The following GALNT18 variants were observed in gnomAD, a reference collection of about 807,000 sequenced individuals.
GALNT18 encodes polypeptide N-acetylgalactosaminyltransferase 18.
A neutral mutation model predicts 69.5 loss-of-function variants in GALNT18; 44 were observed. The ratio of observed to expected loss-of-function variants is 0.63; its 90% CI spans 0.50 to 0.81. The LOEUF (loss-of-function observed/expected upper bound fraction) is 0.81. GALNT18 is among the 40% of genes least tolerant of loss of function. GALNT18 has a pLI of 0.00. For missense variants in GALNT18, 715 were observed against 810.0 expected, an observed-to-expected ratio of 0.88 and a Z score of 1.42; for synonymous variants, 364 against 318.2, an observed-to-expected ratio of 1.14 and a Z score of -1.53.
At position 11,421,973 on chromosome 11, in the gene GALNT18, AG is replaced by A; in HGVS notation, c.595+10647del. Among the ~76,000 whole-genome samples, 1 of 152,270 alleles carries A rather than the reference AG, an allele frequency of 6.6e-6. No homozygotes were observed. Among genetic ancestry groups the A allele is most frequent in the Non-Finnish European group, 1.5e-5 (1 of 68,000 alleles). On this transcript the variant is annotated intron_variant, in intron 3 of 10. Coordinates refer to ENST00000227756, the MANE Select transcript of GALNT18 (RefSeq NM_198516.3). The surrounding 1 kb of genome is among the most constrained non-coding windows in gnomAD (Gnocchi z 5.6). The stretch of plus-strand genomic sequence containing the variant: ...CATAGAATCATGCATGGCAGCTGAG[AG>A]GTAGGTTCAGAAATGGACACAGTTG...
chr11:11,427,273 G>A (rs914666667), intron 3 of GALNT18, among the ~76,000 whole-genome samples: 6 of 152,214 alleles, frequency 3.9e-5, no homozygotes, highest in South Asian at 4.1e-4. Context: ...GCTTCTGAGC[G>A]AGAGCTAAAG....
intron 5 of GALNT18, among the ~76,000 whole-genome samples, chr11:11,375,198 A>C (rs1182862249): frequency 6.6e-6 from 1 of 152,254 alleles, no homozygotes; most frequent in Non-Finnish European, 1.5e-5. Context: ...CGGATGGGCA[A>C]GATACATTTG....
rs772932931 is a variant in GALNT18 at position 11,352,057 on chromosome 11, T to C, written c.1093-11053A>G. ...GGTGAAGGAGTTGGCACTGAAGAAA[T>C]CCCTGACATCACATTGGCGCTGCTG... is the stretch of plus-strand genomic sequence containing the variant. On this transcript the variant is annotated intron_variant, in intron 6 of 10. Transcript: ENST00000227756. 5 of 1,613,710 alleles carry C rather than the reference T, an allele frequency of 3.1e-6. No homozygotes were observed. In the South Asian group the frequency reaches 5.5e-5, roughly 18 times the overall value.
At chr11:11,291,788 G>C (rs780885959) in intron 10 of GALNT18, among the ~76,000 whole-genome samples, 1 of 152,124 alleles carries the variant, frequency 6.6e-6, no homozygotes, top group African/African-American at 2.4e-5. Flanking sequence ...CTAAGTCCAT[G>C]ACCTTGTTTT....
At position 11,588,299 on chromosome 11, in the gene GALNT18, A is replaced by C. The variant is rs566168600; in HGVS notation, c.235+33060T>G. Among the ~76,000 whole-genome samples, 4 of 152,124 alleles carry C rather than the reference A, an allele frequency of 2.6e-5. No individual in the cohort carries two copies. In the East Asian group the frequency reaches 7.8e-4, roughly 29 times the overall value. On this transcript the variant is annotated intron_variant, in intron 1 of 10. Coordinates refer to ENST00000227756, the MANE Select transcript of GALNT18 (RefSeq NM_198516.3). ...GTGAGCTTTTTGTAGGCAGAACTAC[A>C]TCTCCCCCTTTGCATGCCTCCAGTC...
chr11:11,293,730 C>T (rs568474522), intron 9 of GALNT18, among the ~76,000 whole-genome samples: 165 of 151,938 alleles, frequency 1.1e-3, no homozygotes, highest in South Asian at 2.3e-3. Context: ...TTAGTAGAAA[C>T]GGGGTTTCAC....
At chr11:11,360,825 C>T (rs1469140831) in intron 6 of GALNT18, among the ~76,000 whole-genome samples, 1 of 151,806 alleles carries the variant, frequency 6.6e-6, no homozygotes, top group Non-Finnish European at 1.5e-5. Context: ...TTTACCATTA[C>T]TCATTGATTG....
chr11:11,356,800 T>C lies in GALNT18; in HGVS notation c.1092+15715A>G, dbSNP rs746207696. On this transcript the variant is annotated intron_variant, in intron 6 of 10. Coordinates refer to ENST00000227756, the MANE Select transcript of GALNT18 (RefSeq NM_198516.3). This position sits in a 1 kb window ranked among gnomAD's most constrained non-coding sequence, Gnocchi z 4.4. ...AAATTGTTCTTGGGCACTCTCCTTC[T>C]GCTCCCCACCATTTCTAGCTAATCA... 1.1e-4 allele frequency among the ~76,000 whole-genome samples: 17 copies of C among 152,364 alleles called. No homozygotes were observed. Among genetic ancestry groups the C allele is most frequent in the Admixed American group, 6.5e-5 (1 of 15,306 alleles).
At chr11:11,533,165 C>A (rs1018462389) in intron 1 of GALNT18, among the ~76,000 whole-genome samples, 1 of 152,158 alleles carries the variant, frequency 6.6e-6, no homozygotes, top group African/African-American at 2.4e-5. Context: ...AGATACCTGC[C>A]CATTGTGCCA....
At chr11:11,352,297 T>C (rs1308215595) in intron 6 of GALNT18, 6 of 1,614,170 alleles carry the variant, frequency 3.7e-6, no homozygotes, top group Non-Finnish European at 5.1e-6. Context: ...CGAGAGTGTC[T>C]GCCCAAGATA....
At chr11:11,367,968 C>T (rs747966326) in intron 6 of GALNT18, among the ~76,000 whole-genome samples, 7 of 152,138 alleles carry the variant, frequency 4.6e-5, no homozygotes, top group Admixed American at 1.3e-4. Flanking sequence ...CTAGGATCTG[C>T]CTGAATGTTT....
intron 6 of GALNT18, chr11:11,352,282 G>A (rs527645267): frequency 1.7e-5 from 28 of 1,614,074 alleles, no homozygotes; most frequent in East Asian, 6.7e-5. Context: ...CGTTCCCATC[G>A]CTTTCGAGAG....
Position 11,521,912 on chromosome 11 carries a change from C to T in GALNT18, c.236-72976G>A, listed in dbSNP as rs375094125. On this transcript the variant is annotated intron_variant, in intron 1 of 10. Coordinates refer to ENST00000227756, the MANE Select transcript of GALNT18 (RefSeq NM_198516.3). ...AATGTTGGCCCTACAGGGACTTTCTCGCTTTAACCCCATAAAGGAAGCACA... is the reference window on the plus strand; with the variant it reads ...AATGTTGGCCCTACAGGGACTTTCTTGCTTTAACCCCATAAAGGAAGCACA... 1.3e-3 allele frequency among the ~76,000 whole-genome samples: 201 copies of T among 152,292 alleles called. No individual in the cohort carries two copies. In the South Asian group the frequency reaches 0.014, roughly 10 times the overall value.
Position 11,621,255 on chromosome 11 carries a change from G to T in GALNT18, c.235+104C>A. On this transcript the variant is annotated intron_variant, in intron 1 of 10. Transcript: ENST00000227756. The surrounding 1 kb of genome is among the most constrained non-coding windows in gnomAD (Gnocchi z 9.3). ...ACTACCACGCATCTGCGGCCCCAGA[G>T]CCCCGCCGTGGCTGAGTTGATGCGC... 1 of 915,564 alleles carries T rather than the reference G, an allele frequency of 1.1e-6. No individual in the cohort carries two copies. Among genetic ancestry groups the T allele is most frequent in the Non-Finnish European group, 1.7e-6 (1 of 590,340 alleles). The allele number at this position is 915,564 out of a possible 1,614,324, so 56.7% of individuals were successfully genotyped here.
At chr11:11,498,409 G>A (rs565637156) in intron 1 of GALNT18, among the ~76,000 whole-genome samples, 5 of 152,308 alleles carry the variant, frequency 3.3e-5, no homozygotes, top group Admixed American at 2.0e-4. Flanking sequence ...AAATACTATG[G>A]GTTCCATGCC....
In GALNT18 at chr11:11,372,619, G is replaced by A; in HGVS notation, c.988C>T (p.Leu330Phe). The change falls in exon 6 of 11, where the codon CTC becomes TTC. Residue 330 changes from leucine (L) to phenylalanine (F), a missense_variant. By Grantham distance (22) the Leu-to-Phe change is conservative. Transcript: ENST00000227756. The surrounding 1 kb of genome is among the most constrained non-coding windows in gnomAD (Gnocchi z 4.9). The stretch of plus-strand genomic sequence containing the variant: ...CGGTCCACAATGAAGCAGCCAATGA[G>A]GGCAGGGCTCCTGCAGGGGCAGGGG... Reference protein sequence around the residue: ...NSTAPIRSPALIGCFIVDRQY... With the variant: ...NSTAPIRSPAFIGCFIVDRQY... 3.1e-6 allele frequency: 5 copies of A among 1,614,102 alleles called. No homozygotes were observed. Among genetic ancestry groups the A allele is most frequent in the Non-Finnish European group, 4.2e-6 (5 of 1,179,998 alleles).
chr11:11,428,860 T>C (rs1855199826), intron 3 of GALNT18, among the ~76,000 whole-genome samples: 1 of 152,216 alleles, frequency 6.6e-6, no homozygotes, highest in Non-Finnish European at 1.5e-5. Flanking sequence ...GGGTAAGTAT[T>C]GTTTCTTAAA....
At chr11:11,323,496 C>A (rs1241190171) in intron 9 of GALNT18, among the ~76,000 whole-genome samples, 1 of 152,238 alleles carries the variant, frequency 6.6e-6, no homozygotes, top group Non-Finnish European at 1.5e-5. Context: ...ATGCTCTGCC[C>A]TCCAGGTCCA....
intron 3 of GALNT18, among the ~76,000 whole-genome samples, chr11:11,422,887 AC>A (rs1445447380): frequency 1.3e-5 from 2 of 152,076 alleles, no homozygotes; most frequent in African/African-American, 4.8e-5. Context: ...ACAATGATTC[AC>A]AGTTGTGCAA....
Sources: allele counts gnomAD v4.1 joint callset (sites outside exome capture counted in the v4.1 genomes callset), GRCh38; gene constraint gnomAD v4.1.1; non-coding constraint Gnocchi (gnomAD v3.1); transcripts MANE v1.5; gene names NCBI Gene and HGNC (gene_info 2026-07-23, HGNC 2026-07-21).